GTF3C2: variants seen among roughly 807,000 people sequenced by gnomAD.
The protein encoded by GTF3C2 is general transcription factor IIIC subunit 2.
A neutral mutation model predicts 117.4 loss-of-function variants in GTF3C2; 17 were observed. The ratio of observed to expected loss-of-function variants is 0.14; its 90% CI spans 0.10 to 0.22. The LOEUF is 0.22. Among genes scored for constraint, GTF3C2 ranks in the 10% least tolerant of loss-of-function variants. The pLI is 1.00. For synonymous variants in GTF3C2, 437 were observed against 427.0 expected (o/e 1.02, Z -0.29); for missense variants, 888 against 1,143.6 (o/e 0.78, Z 3.22).
At chr2:27,352,927 C>G (rs1365455990) in intron 1 of GTF3C2, among the ~76,000 whole-genome samples, 1 of 152,194 alleles carries the variant, frequency 6.6e-6, no homozygotes, top group African/African-American at 2.4e-5. Flanking sequence ...CACAGTTTTA[C>G]AAAATTCCCT....
chr2:27,344,752 G>A (rs931041313), intron 1 of GTF3C2, among the ~76,000 whole-genome samples: 2 of 152,172 alleles, frequency 1.3e-5, no homozygotes, highest in Non-Finnish European at 2.9e-5. Flanking sequence ...GAGAGGCCAA[G>A]GAAGAAGGAC....
intron 10 of GTF3C2, 173 bp downstream of exon 10, chr2:27,335,425 A>G (rs1295314497): frequency 4.2e-6 from 3 of 713,654 alleles, no homozygotes; most frequent in Non-Finnish European, 7.8e-6. Context: ...TAAGACTGCA[A>G]AAGAGAGAGG....
rs750059866 is a variant in GTF3C2 at position 27,328,978 on chromosome 2, TTTC to T, written c.2040-50_2040-48del. On this transcript the variant is annotated intron_variant, in intron 14 of 18. Transcript: ENST00000264720. ...TAAACCTTCCTTTTCTTTAGATTCA[TTTC>T]TTCTTCTTAACCTCTTCCAGAATTT... The T allele has an allele frequency of 2.1e-5, 31 of 1,483,846 alleles. No individual in the cohort carries two copies. The Admixed American group carries it at 2.6e-4, about 12-fold the overall frequency. 91.9% of individuals were successfully genotyped at this position (1,483,846 alleles called of 1,614,324 possible).
chr2:27,342,295 C>G, intron 3 of GTF3C2, 62 bp from the exon 4 acceptor site: 1 of 1,402,650 alleles, frequency 7.1e-7, no homozygotes, highest in Non-Finnish European at 9.7e-7. Flanking sequence ...CGTTTCCAGA[C>G]ATGGTTGATT....
chr2:27,342,094 C>G, exon 4 of GTF3C2: 1 of 1,614,210 alleles, frequency 6.2e-7, no homozygotes, highest in Non-Finnish European at 8.5e-7. Flanking sequence ...TCCACCTCTT[C>G]TCCACCTGGA....
chr2:27,327,264 GAGC>G, exon 18 of GTF3C2: 1 of 1,598,964 alleles, frequency 6.3e-7, no homozygotes, highest in Non-Finnish European at 8.6e-7. Context: ...GTTCTCTACG[GAGC>G]AGATCATGGA....
At position 27,329,618 on chromosome 2, in the gene GTF3C2, C is replaced by G; in HGVS notation, c.1733-95G>C. On this transcript the variant is annotated intron_variant, in intron 12 of 18. Transcript: ENST00000264720. The surrounding 1 kb of genome is among the most constrained non-coding windows in gnomAD (Gnocchi z 4.5). Reference sequence around the variant, plus strand: ...GGGCTCCTAGGACCTTTGTCTTCTACCCTCAGATCCAAACCACTATGAAAG... The same window carrying G: ...GGGCTCCTAGGACCTTTGTCTTCTAGCCTCAGATCCAAACCACTATGAAAG... 1 of 1,175,292 alleles carries G rather than the reference C, an allele frequency of 8.5e-7. No individual in the cohort carries two copies. Among genetic ancestry groups the G allele is most frequent in the Non-Finnish European group, 1.2e-6 (1 of 812,910 alleles). 72.8% of individuals were successfully genotyped at this position (1,175,292 alleles called of 1,614,324 possible). A position where few individuals can be genotyped will look rare whatever the true frequency, so the allele number is the denominator to read the frequency against.
At chr2:27,353,325 G>T (rs1681202813) in intron 1 of GTF3C2, among the ~76,000 whole-genome samples, 1 of 149,894 alleles carries the variant, frequency 6.7e-6, no homozygotes, top group Non-Finnish European at 1.5e-5. Flanking sequence ...GGAGGTTGCA[G>T]TGAGCCAAGA....
At chr2:27,338,737 G>A (rs1028043214) in intron 4 of GTF3C2, among the ~76,000 whole-genome samples, 7 of 151,362 alleles carry the variant, frequency 4.6e-5, no homozygotes, top group African/African-American at 9.7e-5. Context: ...ACAAGGTTTC[G>A]CCATGGCCCA....
At chr2:27,341,344 G>A (rs900253770) in intron 4 of GTF3C2, 1 of 152,578 alleles carries the variant, frequency 6.6e-6, no homozygotes, top group Non-Finnish European at 1.5e-5. Flanking sequence ...CCTCAATTGT[G>A]TATTTTTAAA....
At chr2:27,342,359 A>C (rs1419864074) in intron 3 of GTF3C2, 126 bp from the exon 4 acceptor site, 1 of 728,900 alleles carries the variant, frequency 1.4e-6, no homozygotes, top group East Asian at 2.7e-5. Context: ...TAACTCTATT[A>C]ATTTCCCCTT....
chr2:27,328,754 C>T, intron 15 of GTF3C2, 90 bp downstream of exon 15: 1 of 1,090,232 alleles, frequency 9.2e-7, no homozygotes, highest in Non-Finnish European at 1.4e-6. Flanking sequence ...TCTTCTCCTT[C>T]TACCCAAAAC....
chr2:27,343,488 C>T (rs1292449620), exon 2 of GTF3C2: 2 of 1,614,092 alleles, frequency 1.2e-6, no homozygotes, highest in Non-Finnish European at 1.7e-6. Flanking sequence ...GGAGAGTCTA[C>T]CACAGTCATG....
Position 27,336,195 on chromosome 2 carries a change from C to T in GTF3C2, c.1355+3G>A. The T allele has an allele frequency of 6.2e-7, 1 of 1,609,666 alleles. No homozygotes were observed. The highest frequency in any genetic ancestry group is 8.5e-7 in the Non-Finnish European group (1 of 1,176,078). On this transcript the variant is annotated splice_donor_region_variant and intron_variant, in intron 8 of 18. Transcript: ENST00000264720. ...CCCATGGCAGTGTCCAACCCCACCT[C>T]ACCAGCTTTCTTGCTGCAAGGTCCC...
At chr2:27,342,255 G>A (rs769508935) in intron 3 of GTF3C2, 22 bp from the exon 4 acceptor site, 1 of 1,586,094 alleles carries the variant, frequency 6.3e-7, no homozygotes, top group Non-Finnish European at 8.6e-7. Context: ...GACAGAGTCA[G>A]AGCCATTCTC....
intron 1 of GTF3C2, among the ~76,000 whole-genome samples, chr2:27,343,968 C>T (rs1680832627): frequency 2.7e-5 from 4 of 150,446 alleles, no homozygotes; most frequent in Admixed American, 2.7e-4. Flanking sequence ...TCCCTGCCCT[C>T]ATGGAACTTA....
chr2:27,345,747 A>G (rs1572579887), intron 1 of GTF3C2, among the ~76,000 whole-genome samples: 1 of 146,594 alleles, frequency 6.8e-6, no homozygotes, highest in South Asian at 2.2e-4. Flanking sequence ...GAGTTTCACT[A>G]TCGTTGCCCA....
intron 4 of GTF3C2, among the ~76,000 whole-genome samples, chr2:27,339,167 G>C (rs1680618267): frequency 6.6e-6 from 1 of 152,046 alleles, no homozygotes; most frequent in Non-Finnish European, 1.5e-5. Flanking sequence ...CCAGCACTTT[G>C]GGAGGCCGAG....
At chr2:27,356,325 G>A in intron 1 of GTF3C2, 1 of 352,820 alleles carries the variant, frequency 2.8e-6, no homozygotes, top group East Asian at 7.4e-5. Flanking sequence ...ACCACTCTAG[G>A]GGCCATCACC....
Sources: allele counts gnomAD v4.1 joint callset (sites outside exome capture counted in the v4.1 genomes callset), GRCh38; gene constraint gnomAD v4.1.1; non-coding constraint Gnocchi (gnomAD v3.1); transcripts MANE v1.5; gene names NCBI Gene and HGNC (gene_info 2026-07-23, HGNC 2026-07-21).